Variants in TSHZ3 observed in about 807,000 individuals in gnomAD.
The protein encoded by TSHZ3 is teashirt zinc finger homeobox 3.
In TSHZ3, 10 loss-of-function variants were observed where a neutral mutation model predicts 64.5. That is an observed-to-expected ratio of 0.16 (90% confidence interval 0.10 to 0.26). The LOEUF is 0.26. Ranked by LOEUF, TSHZ3 falls within the 10% of genes least tolerant of loss-of-function variation. The pLI is 1.00. For synonymous variants in TSHZ3, 608 were observed against 593.1 expected (o/e 1.03, Z -0.36); for missense variants, 1,242 against 1,421.7 (o/e 0.87, Z 2.03).
intron 1 of TSHZ3, among the ~76,000 whole-genome samples, chr19:31,257,928 C>G (rs761193012): frequency 2.0e-5 from 3 of 152,188 alleles, no homozygotes; most frequent in Admixed American, 6.5e-5. Flanking sequence ...TAGATTTTCC[C>G]AAACTTGGAG....
chr19:31,195,359 A>C (rs1183494197), intron 5 of TSHZ3, among the ~76,000 whole-genome samples: 1 of 152,124 alleles, frequency 6.6e-6, no homozygotes, highest in Non-Finnish European at 1.5e-5. Flanking sequence ...AGGGAAAAAC[A>C]CCTTACCTAT....
rs758086398 is a variant in TSHZ3, at chr19:31,279,792, G to T, written c.41-40C>A. ...GGTGGGAAAGAGAGACAGGTAGGAT[G>T]GAATGAAGAGAGACAGGGAGAAGGA... On this transcript the variant is annotated intron_variant, in intron 1 of 1. Coordinates refer to ENST00000240587, the MANE Select transcript of TSHZ3 (RefSeq NM_020856.4). The surrounding 1 kb of genome is among the most constrained non-coding windows in gnomAD (Gnocchi z 6.4). 6 of 1,449,314 alleles carry T rather than the reference G, an allele frequency of 4.1e-6. No homozygotes were observed. The highest frequency in any genetic ancestry group is 5.5e-6 in the Non-Finnish European group (6 of 1,097,328). The allele number at this position is 1,449,314 out of a possible 1,614,324, so 89.8% of individuals were successfully genotyped here. A position where few individuals can be genotyped will look rare whatever the true frequency, so the allele number is the denominator to read the frequency against.
chr19:31,160,775 TACAC>T (rs1226552939), intron 5 of TSHZ3, among the ~76,000 whole-genome samples: 1 of 151,668 alleles, frequency 6.6e-6, no homozygotes, highest in Admixed American at 6.6e-5. Context: ...CATACACACA[TACAC>T]ATACACATTC....
At chr19:31,198,968 A>C (rs1024181644) in intron 5 of TSHZ3, among the ~76,000 whole-genome samples, 3 of 152,214 alleles carry the variant, frequency 2.0e-5, no homozygotes, top group Non-Finnish European at 2.9e-5. Context: ...CACAATAGCC[A>C]ACATAATATT....
intron 1 of TSHZ3, among the ~76,000 whole-genome samples, chr19:31,290,626 T>A (rs1384815247): frequency 1.3e-5 from 2 of 152,138 alleles, no homozygotes; most frequent in African/African-American, 4.8e-5. Flanking sequence ...CTAGAGACGC[T>A]ACCTAGGATG....
At chr19:31,206,318 T>C (rs993618139) in intron 4 of TSHZ3, among the ~76,000 whole-genome samples, 1 of 151,910 alleles carries the variant, frequency 6.6e-6, no homozygotes, top group African/African-American at 2.4e-5. Context: ...GGTGGATGGA[T>C]GGATGGATAG....
intron 5 of TSHZ3, among the ~76,000 whole-genome samples, chr19:31,191,176 C>A (rs184512180): frequency 6.6e-6 from 1 of 152,044 alleles, no homozygotes; most frequent in Non-Finnish European, 1.5e-5. Context: ...AATATCAACA[C>A]GGTTGACACT....
chr19:31,164,951 T>A (rs1457472926), intron 5 of TSHZ3, among the ~76,000 whole-genome samples: 1 of 152,160 alleles, frequency 6.6e-6, no homozygotes, highest in Admixed American at 6.5e-5. Context: ...ATTCTGTGCA[T>A]AAAAGCGAGC....
chr19:31,310,588 G>A lies in TSHZ3; in HGVS notation c.41-30836C>T, dbSNP rs143039148. ...CTCCTTCAGGCACAGAATTCAGAAT[G>A]AATGCAGGGAAAGGGGTGGGCAGAG... is the stretch of plus-strand genomic sequence containing the variant. On this transcript the variant is annotated intron_variant, in intron 1 of 1. Coordinates refer to ENST00000240587, the MANE Select transcript of TSHZ3 (RefSeq NM_020856.4). 1.6e-3 allele frequency among the ~76,000 whole-genome samples: 247 copies of A among 152,226 alleles called. 1 individual carries two copies. Among genetic ancestry groups the A allele is most frequent in the African/African-American group, 5.8e-3 (240 of 41,546 alleles).
chr19:31,313,566 C>T (rs1319009769), intron 1 of TSHZ3, among the ~76,000 whole-genome samples: 2 of 151,700 alleles, frequency 1.3e-5, no homozygotes, highest in Non-Finnish European at 2.9e-5. Flanking sequence ...TGGTTCCTGT[C>T]CCCACACATA....
chr19:31,338,581 C>CTTTTTTTTTT (rs34643581), intron 1 of TSHZ3, among the ~76,000 whole-genome samples: 3 of 119,106 alleles, frequency 2.5e-5, no homozygotes, highest in Admixed American at 8.8e-5. Context: ...TTTTTTTTTT[C>CTTTTTTTTTT]TTTTTTTTTT....
chr19:31,299,114 G>A (rs1360614444), intron 1 of TSHZ3, among the ~76,000 whole-genome samples: 1 of 152,168 alleles, frequency 6.6e-6, no homozygotes, highest in Non-Finnish European at 1.5e-5. Flanking sequence ...AGAATTGCTT[G>A]AGCCCCAAGG....
At chr19:31,268,138 C>T (rs556892296) in intron 1 of TSHZ3, among the ~76,000 whole-genome samples, 12 of 152,282 alleles carry the variant, frequency 7.9e-5, no homozygotes, top group African/African-American at 2.4e-4. Context: ...TCTTGCCTGC[C>T]ACCATGTAAG....
chr19:31,283,965 G>T (rs1976410678), intron 1 of TSHZ3, among the ~76,000 whole-genome samples: 1 of 152,148 alleles, frequency 6.6e-6, no homozygotes, highest in African/African-American at 2.4e-5. Flanking sequence ...TCCCCACCAG[G>T]CTGGCTTCAG....
intron 1 of TSHZ3, among the ~76,000 whole-genome samples, chr19:31,338,931 G>A (rs1193593895): frequency 6.6e-6 from 1 of 151,594 alleles, no homozygotes; most frequent in Non-Finnish European, 1.5e-5. Flanking sequence ...AAGGCCAATC[G>A]ATAGAAACAC....
chr19:31,297,329 GT>G (rs1976680944), intron 1 of TSHZ3, among the ~76,000 whole-genome samples: 1 of 152,200 alleles, frequency 6.6e-6, no homozygotes, highest in Admixed American at 6.5e-5. Flanking sequence ...GGAGACAGAT[GT>G]GCAGTGAGAC....
chr19:31,336,055 C>T (rs1445031466), intron 1 of TSHZ3, among the ~76,000 whole-genome samples: 6 of 152,078 alleles, frequency 3.9e-5, no homozygotes, highest in Admixed American at 3.9e-4. Context: ...AGCCTTTTTT[C>T]CTCCTGCTAA....
chr19:31,206,733 T>C (rs1259785835), intron 4 of TSHZ3, among the ~76,000 whole-genome samples: 1 of 152,252 alleles, frequency 6.6e-6, no homozygotes, highest in Non-Finnish European at 1.5e-5. Context: ...ATTTAATTCA[T>C]ACAAAATCTT....
chr19:31,227,352 T>C (rs1033334315), intron 4 of TSHZ3, among the ~76,000 whole-genome samples: 2 of 152,090 alleles, frequency 1.3e-5, no homozygotes, highest in African/African-American at 4.8e-5. Flanking sequence ...AGAGAGTTAC[T>C]GAGTCAAAAG....
Sources: allele counts gnomAD v4.1 joint callset (sites outside exome capture counted in the v4.1 genomes callset), GRCh38; gene constraint gnomAD v4.1.1; non-coding constraint Gnocchi (gnomAD v3.1); transcripts MANE v1.5; gene names NCBI Gene and HGNC (gene_info 2026-07-23, HGNC 2026-07-21).